RASA3: variants seen among roughly 807,000 people sequenced by gnomAD.
RASA3 encodes the protein RAS p21 protein activator 3.
Under a neutral mutation model 110.0 loss-of-function variants are expected in RASA3, and 73 were observed. The ratio of observed to expected loss-of-function variants is 0.66; its 90% CI spans 0.55 to 0.81. The LOEUF (loss-of-function observed/expected upper bound fraction) is 0.81. RASA3 is among the 30% of genes least tolerant of loss of function. The pLI, the probability that RASA3 is intolerant of heterozygous loss-of-function variation, is 0.00. For synonymous variants in RASA3, 500 were observed against 451.4 expected (o/e 1.11, Z -1.37); for missense variants, 976 against 1,113.2 (o/e 0.88, Z 1.75).
intron 4 of RASA3, among the ~76,000 whole-genome samples, chr13:114,038,520 C>T (rs1425774963): frequency 6.6e-6 from 1 of 152,234 alleles, no homozygotes; most frequent in Non-Finnish European, 1.5e-5. Flanking sequence ...CAGGGCCATC[C>T]CCAGGGCTTC....
chr13:114,089,291 C>T lies in RASA3; in HGVS notation c.56-15454G>A, dbSNP rs1230046280. Reference sequence around the variant, plus strand: ...ACGAGGGGAGACGAGGGGAGACGAGCGGGGAGGAGGGGGGGAGGAGGGGGG... The same window carrying T: ...ACGAGGGGAGACGAGGGGAGACGAGTGGGGAGGAGGGGGGGAGGAGGGGGG... On this transcript the variant is annotated intron_variant, in intron 1 of 23. Coordinates refer to ENST00000334062, the MANE Select transcript of RASA3 (RefSeq NM_007368.4). Among the ~76,000 whole-genome samples, 8 of 25,598 alleles carry T rather than the reference C, an allele frequency of 3.1e-4. No homozygotes were observed. In the Admixed American group the frequency reaches 3.4e-3, roughly 11 times the overall value. 16.8% of individuals were successfully genotyped at this position (25,598 alleles called of 152,430 possible). A position where few individuals can be genotyped will look rare whatever the true frequency, so the allele number is the denominator to read the frequency against.
intron 17 of RASA3, 136 bp from the exon 18 acceptor site, chr13:114,007,742 T>C: frequency 1.4e-6 from 1 of 726,690 alleles, no homozygotes; most frequent in Non-Finnish European, 2.4e-6. Context: ...AAGTGAGTCC[T>C]TCCCCGAGGG....
intron 1 of RASA3, among the ~76,000 whole-genome samples, chr13:114,131,819 C>A (rs976757660): frequency 6.6e-6 from 1 of 151,936 alleles, no homozygotes; most frequent in African/African-American, 2.4e-5. Context: ...CACATGCACC[C>A]ACAAACGCAC....
chr13:114,063,299 A>G (rs1188059709), intron 2 of RASA3, among the ~76,000 whole-genome samples: 1 of 151,272 alleles, frequency 6.6e-6, no homozygotes, highest in Non-Finnish European at 1.5e-5. Flanking sequence ...AGAATAAAAT[A>G]TATAAATGTT....
intron 19 of RASA3, 54 bp downstream of exon 19, chr13:114,000,772 C>T: frequency 7.5e-7 from 1 of 1,328,994 alleles, no homozygotes; most frequent in Non-Finnish European, 1.1e-6. Flanking sequence ...CAGACTCAGT[C>T]CCAGGGCCCA....
chr13:114,097,995 G>C (rs1030823358), intron 1 of RASA3, among the ~76,000 whole-genome samples: 13 of 152,196 alleles, frequency 8.5e-5, no homozygotes, highest in African/African-American at 3.1e-4. Context: ...AGCGGGCCCA[G>C]ATGGAGACCT....
intron 2 of RASA3, among the ~76,000 whole-genome samples, chr13:114,053,063 TGCTG>T (rs2079178119): frequency 3.0e-4 from 44 of 145,884 alleles, no homozygotes; most frequent in African/African-American, 5.2e-4. Context: ...AGACCCCCAC[TGCTG>T]ACTGTGCTTA....
At chr13:113,996,800 G>A (rs2053267600) in intron 20 of RASA3, 61 bp from the exon 21 acceptor site, 2 of 1,450,762 alleles carry the variant, frequency 1.4e-6, no homozygotes, top group South Asian at 1.2e-5. Context: ...GCACGTGCAA[G>A]AGTCCACCAG....
At chr13:114,069,652 G>GGGGACTGGGAGACTCA (rs2079526226) in intron 2 of RASA3, among the ~76,000 whole-genome samples, 1 of 9,286 alleles carries the variant, frequency 1.1e-4, no homozygotes, top group Non-Finnish European at 2.3e-4. Context: ...CGGGAGACTC[G>GGGGACTGGGAGACTCA]GGGAGCCGGG....
In RASA3 at chr13:113,978,163, C is replaced by T. The variant is rs1240884780; in HGVS notation, c.*1184G>A. ...TGAGGTCTGGAGGGGTCTGCCTGGA[C>T]CCCATTTTTAGGATGCTCCCCTCCC... On this transcript the variant is annotated 3_prime_UTR_variant, in exon 24 of 24. Coordinates refer to ENST00000334062, the MANE Select transcript of RASA3 (RefSeq NM_007368.4). 6.6e-6 allele frequency: 1 copy of T among 152,200 alleles called. No individual in the cohort carries two copies. Among genetic ancestry groups the T allele is most frequent in the African/African-American group, 2.4e-5 (1 of 41,422 alleles). 9.4% of individuals were successfully genotyped at this position (152,200 alleles called of 1,614,324 possible). A position where few individuals can be genotyped will look rare whatever the true frequency, so the allele number is the denominator to read the frequency against.
chr13:114,039,699 T>C (rs560215577), intron 4 of RASA3, among the ~76,000 whole-genome samples: 129 of 151,462 alleles, frequency 8.5e-4, no homozygotes, highest in Admixed American at 1.7e-3. Context: ...GCTCCCTCTG[T>C]TACAGGCAAG....
chr13:114,002,504 A>G (rs757339052), intron 18 of RASA3, among the ~76,000 whole-genome samples: 1 of 151,082 alleles, frequency 6.6e-6, no homozygotes, highest in Non-Finnish European at 1.5e-5. Context: ...TTGGGGGGGG[A>G]CTGGGAGCTC....
intron 23 of RASA3, among the ~76,000 whole-genome samples, chr13:113,979,790 T>A (rs563254554): frequency 1.3e-5 from 2 of 152,212 alleles, no homozygotes; most frequent in African/African-American, 4.8e-5. Flanking sequence ...CACAGATCTG[T>A]CCCAGTGCTG....
intron 2 of RASA3, among the ~76,000 whole-genome samples, chr13:114,067,407 T>C (rs543282856): frequency 2.6e-5 from 4 of 152,380 alleles, no homozygotes; most frequent in South Asian, 4.1e-4. Flanking sequence ...TGAAAATAAA[T>C]GTTCATGGGA....
intron 1 of RASA3, among the ~76,000 whole-genome samples, chr13:114,087,532 G>T (rs1049377624): frequency 1.3e-5 from 2 of 152,234 alleles, no homozygotes; most frequent in African/African-American, 4.8e-5. Context: ...GGATTGCGGG[G>T]GCACCTGGGA....
chr13:113,979,545 T>G lies in RASA3; in HGVS notation c.2430-123A>C, dbSNP rs1364661365. The stretch of plus-strand genomic sequence containing the variant: ...CTCACACTGCAATCCACACAAAAAA[T>G]AGAGGAGCCAAAGGAACCACAGTGC... On this transcript the variant is annotated intron_variant, in intron 23 of 23. Transcript: ENST00000334062. 1.6e-5 allele frequency: 13 copies of G among 806,124 alleles called. No individual in the cohort carries two copies. The East Asian group carries it at 3.1e-4, about 20-fold the overall frequency. 49.9% of individuals were successfully genotyped at this position (806,124 alleles called of 1,614,324 possible). A position where few individuals can be genotyped will look rare whatever the true frequency, so the allele number is the denominator to read the frequency against.
intron 1 of RASA3, among the ~76,000 whole-genome samples, chr13:114,109,725 G>C (rs766304195): frequency 1.3e-5 from 2 of 149,814 alleles, no homozygotes; most frequent in Non-Finnish European, 3.0e-5. Context: ...CCAGGCCCTC[G>C]AGCCTCCAAA....
intron 4 of RASA3, among the ~76,000 whole-genome samples, chr13:114,033,407 T>C (rs1460353830): frequency 1.9e-5 from 2 of 106,888 alleles, no homozygotes; most frequent in Admixed American, 1.2e-4. Context: ...CCACACTTCA[T>C]ACCATGTTCC....
rs144804725 is a variant in RASA3, at chr13:114,062,794, G to T, written c.174-10639C>A. Reference sequence around the variant, plus strand: ...GAAACAAGGCAGGTGGGCCTCGGCTGCTGAGGGAGCAACAGCAGAACGGTG... The same window carrying T: ...GAAACAAGGCAGGTGGGCCTCGGCTTCTGAGGGAGCAACAGCAGAACGGTG... On this transcript the variant is annotated intron_variant, in intron 2 of 23. Coordinates refer to ENST00000334062, the MANE Select transcript of RASA3 (RefSeq NM_007368.4). Among the ~76,000 whole-genome samples, 597 of 152,340 alleles carry T rather than the reference G, an allele frequency of 3.9e-3. 2 individuals carry two copies. Among genetic ancestry groups the T allele is most frequent in the Non-Finnish European group, 3.7e-3 (251 of 68,034 alleles).
Sources: gnomAD v4.1 joint callset for allele counts (sites outside exome capture counted in the v4.1 genomes callset) on GRCh38, gnomAD v4.1.1 for gene constraint, MANE v1.5 for transcripts, NCBI Gene and HGNC (gene_info 2026-07-23, HGNC 2026-07-21) for gene names.